The following PTPRD variants were observed in gnomAD, a reference collection of about 807,000 sequenced individuals.
The protein encoded by PTPRD is receptor-type tyrosine-protein phosphatase delta.
In PTPRD, 34 loss-of-function variants were observed where a neutral mutation model predicts 214.5. That is an observed-to-expected ratio of 0.16 (90% CI 0.12 to 0.21). The LOEUF (loss-of-function observed/expected upper bound fraction) is 0.21. Ranked by LOEUF, PTPRD falls within the 10% of genes least tolerant of loss-of-function variation. PTPRD has a pLI of 1.00. For missense variants in PTPRD, 2,545 were observed against 2,398.7 expected (o/e 1.06, Z -1.27); for synonymous variants, 1,128 against 845.7 (o/e 1.33, Z -5.79).
At chr9:9,108,815 C>A (rs1210142475) in intron 10 of PTPRD, among the ~76,000 whole-genome samples, 1 of 152,114 alleles carries the variant, frequency 6.6e-6, no homozygotes, top group Non-Finnish European at 1.5e-5. Flanking sequence ...CTGCTGAGGC[C>A]CTCTGGCACC....
At chr9:9,912,087 A>T (rs2079361345) in intron 5 of PTPRD, among the ~76,000 whole-genome samples, 1 of 152,178 alleles carries the variant, frequency 6.6e-6, no homozygotes, top group South Asian at 2.1e-4. Context: ...TATATATTGT[A>T]AGTGGGGGAA....
chr9:8,525,209 T>C (rs751261981), intron 17 of PTPRD, 174 bp from the exon 18 acceptor site: 23 of 731,766 alleles, frequency 3.1e-5, no homozygotes, highest in South Asian at 7.4e-5. Context: ...GAAAAACATA[T>C]AGAGATTATT....
At chr9:10,002,487 G>T (rs1258224345) in intron 4 of PTPRD, among the ~76,000 whole-genome samples, 2 of 150,792 alleles carry the variant, frequency 1.3e-5, no homozygotes, top group East Asian at 3.9e-4. Flanking sequence ...ATAAAAGGAT[G>T]ATAAGATACA....
intron 7 of PTPRD, among the ~76,000 whole-genome samples, chr9:9,721,100 A>G (rs1268179800): frequency 1.3e-5 from 2 of 152,166 alleles, no homozygotes; most frequent in African/African-American, 4.8e-5. Context: ...GAGTTTATCT[A>G]TATAACAAAC....
chr9:8,935,988 G>T (rs765742180), intron 11 of PTPRD: 1 of 152,146 alleles, frequency 6.6e-6, no homozygotes, highest in African/African-American at 2.4e-5. Context: ...GGGGGCTAGG[G>T]TGCTCTTGGC....
chr9:9,629,238 G>GTGTGTATATATATATATATATATA (rs149327972), intron 7 of PTPRD, among the ~76,000 whole-genome samples: 1,884 of 139,784 alleles, frequency 0.013, 59 homozygotes, highest in African/African-American at 0.05. Flanking sequence ...GTGTGTGTGT[G>GTGTGTATATATATATATATATATA]TATATATATA....
intron 10 of PTPRD, among the ~76,000 whole-genome samples, chr9:9,113,359 G>T (rs1043531433): frequency 2.6e-5 from 4 of 152,014 alleles, no homozygotes; most frequent in African/African-American, 9.7e-5. Context: ...TATTTACTAT[G>T]CAGTGACCAC....
chr9:9,160,818 T>A (rs568737718), intron 10 of PTPRD, among the ~76,000 whole-genome samples: 1 of 152,310 alleles, frequency 6.6e-6, no homozygotes, highest in Non-Finnish European at 1.5e-5. Flanking sequence ...CAATGTTGTA[T>A]ACACACACAA....
At chr9:9,690,807 G>A (rs1229085193) in intron 7 of PTPRD, among the ~76,000 whole-genome samples, 1 of 151,778 alleles carries the variant, frequency 6.6e-6, no homozygotes, top group Non-Finnish European at 1.5e-5. Context: ...TCTCTATTCT[G>A]TTTCATTGGT....
chr9:8,584,275 G>C (rs1419807686), intron 14 of PTPRD, among the ~76,000 whole-genome samples: 2 of 152,082 alleles, frequency 1.3e-5, no homozygotes, highest in Non-Finnish European at 2.9e-5. Context: ...CATTTCTGCA[G>C]TCATCAATGA....
At chr9:10,260,330 G>C (rs750140629) in intron 3 of PTPRD, among the ~76,000 whole-genome samples, 1 of 152,122 alleles carries the variant, frequency 6.6e-6, no homozygotes, top group African/African-American at 2.4e-5. Context: ...AAATTTCACA[G>C]TCTTGTCCTA....
Position 10,152,823 on chromosome 9 carries a change from C to G in PTPRD, c.-544-119033G>C, listed in dbSNP as rs200699041. On this transcript the variant is annotated intron_variant, in intron 3 of 45. Transcript: ENST00000381196. Reference sequence around the variant, plus strand: ...CTGGGCAACAAGAGTGAACTCCCCCCCTACCCTCCCCCAAAAAGAAGGAAA... The same window carrying G: ...CTGGGCAACAAGAGTGAACTCCCCCGCTACCCTCCCCCAAAAAGAAGGAAA... Among the ~76,000 whole-genome samples, 7 of 152,214 alleles carry G rather than the reference C, an allele frequency of 4.6e-5. No individual in the cohort carries two copies. In the East Asian group the frequency reaches 1.2e-3, roughly 25 times the overall value.
intron 11 of PTPRD, among the ~76,000 whole-genome samples, chr9:8,989,146 C>T (rs181147030): frequency 6.6e-6 from 1 of 152,064 alleles, no homozygotes; most frequent in Non-Finnish European, 1.5e-5. Context: ...GATACCTGTA[C>T]ACAATGTGTA....
At chr9:9,002,471 C>A (rs1025383196) in intron 11 of PTPRD, among the ~76,000 whole-genome samples, 1 of 151,994 alleles carries the variant, frequency 6.6e-6, no homozygotes, top group Non-Finnish European at 1.5e-5. Context: ...TATAAACTTA[C>A]TTTTGCCATT....
chr9:8,825,930 G>A (rs2097166516), intron 11 of PTPRD, among the ~76,000 whole-genome samples: 1 of 152,166 alleles, frequency 6.6e-6, no homozygotes, highest in Admixed American at 6.5e-5. Flanking sequence ...AGCTCCTACT[G>A]TAACCTGTTT....
At chr9:9,430,683 T>A (rs2082741216) in intron 8 of PTPRD, among the ~76,000 whole-genome samples, 1 of 152,138 alleles carries the variant, frequency 6.6e-6, no homozygotes, top group Non-Finnish European at 1.5e-5. Flanking sequence ...CAAAACAGCA[T>A]TGTACTGGTA....
chr9:9,369,231 T>G (rs2139615167), intron 9 of PTPRD, among the ~76,000 whole-genome samples: 1 of 152,252 alleles, frequency 6.6e-6, no homozygotes, highest in Non-Finnish European at 1.5e-5. Context: ...ACCAACAGTG[T>G]AAAAGTGTTC....
chr9:9,382,850 C>T (rs1253252429), intron 9 of PTPRD, among the ~76,000 whole-genome samples: 2 of 152,032 alleles, frequency 1.3e-5, no homozygotes, highest in Non-Finnish European at 1.5e-5. Context: ...TATCTACCTC[C>T]CATGTTCATT....
intron 4 of PTPRD, among the ~76,000 whole-genome samples, chr9:9,943,216 G>C (rs578199566): frequency 6.6e-6 from 1 of 152,206 alleles, no homozygotes; most frequent in Admixed American, 6.5e-5. Flanking sequence ...CTAATAGGCA[G>C]GATTCATCTC....
Sources: allele counts gnomAD v4.1 joint callset (sites outside exome capture counted in the v4.1 genomes callset), GRCh38; gene constraint gnomAD v4.1.1; transcripts MANE v1.5; gene names NCBI Gene and HGNC (gene_info 2026-07-23, HGNC 2026-07-21).